IQCK: variants seen among roughly 807,000 people sequenced by gnomAD.
IQCK encodes the protein IQ motif containing K.
A neutral mutation model predicts 28.1 loss-of-function variants in IQCK; 29 were observed. The ratio of observed to expected loss-of-function variants is 1.03; its 90% CI spans 0.77 to 1.41. The LOEUF (loss-of-function observed/expected upper bound fraction) is 1.41, where lower values mean the gene tolerates loss of function less well. Among genes scored for constraint, IQCK ranks in the 40% most tolerant of loss-of-function variants. The pLI is 0.00. For synonymous variants in IQCK, 113 were observed against 115.1 expected, an observed-to-expected ratio of 0.98 and a Z score of 0.12; for missense variants, 359 against 314.7, an observed-to-expected ratio of 1.14 and a Z score of -1.07.
intron 9 of IQCK, among the ~76,000 whole-genome samples, chr16:19,843,889 T>C (rs2056387403): frequency 6.6e-6 from 1 of 152,194 alleles, no homozygotes; most frequent in South Asian, 2.1e-4. Context: ...AGTTAAGGCT[T>C]CATCATATGA....
At chr16:19,734,994 C>G (rs988268527) in intron 3 of IQCK, among the ~76,000 whole-genome samples, 2 of 151,974 alleles carry the variant, frequency 1.3e-5, no homozygotes, top group Non-Finnish European at 2.9e-5. Context: ...AAGCCCTTAC[C>G]CATTATACTC....
At chr16:19,833,871 G>C (rs913545697) in intron 9 of IQCK, among the ~76,000 whole-genome samples, 6 of 152,020 alleles carry the variant, frequency 3.9e-5, no homozygotes, top group African/African-American at 1.4e-4. Context: ...TGGGAGAATT[G>C]CTTGAGCCTA....
At chr16:19,766,982 A>G (rs1017855914) in intron 6 of IQCK, among the ~76,000 whole-genome samples, 5 of 152,224 alleles carry the variant, frequency 3.3e-5, no homozygotes, top group Admixed American at 2.0e-4. Flanking sequence ...AGGCAGGAGA[A>G]CTGCTTGAAT....
At chr16:19,821,372 A>G (rs1423914096) in intron 7 of IQCK, among the ~76,000 whole-genome samples, 2 of 152,184 alleles carry the variant, frequency 1.3e-5, no homozygotes, top group Non-Finnish European at 2.9e-5. Context: ...CATGTCACCC[A>G]GCAATTCGAC....
chr16:19,773,675 C>A (rs558349863), intron 6 of IQCK, among the ~76,000 whole-genome samples: 1 of 152,290 alleles, frequency 6.6e-6, no homozygotes, highest in South Asian at 2.1e-4. Flanking sequence ...GTTCCAATAA[C>A]ACTTTATTCA....
At chr16:19,858,432 T>G in exon 10 of IQCK, 2 of 644,552 alleles carry the variant, frequency 3.1e-6, no homozygotes, top group Non-Finnish European at 5.6e-6. Context: ...TGTGCTCACC[T>G]TATATGCTTG....
chr16:19,829,500 C>G (rs558363468), downstream of IQCK, among the ~76,000 whole-genome samples: 1 of 152,130 alleles, frequency 6.6e-6, no homozygotes. Flanking sequence ...CCATGCCCAG[C>G]TAATTTTCGT....
At chr16:19,730,329 G>A in intron 1 of IQCK, 101 bp from the exon 2 acceptor site, 1 of 875,000 alleles carries the variant, frequency 1.1e-6, no homozygotes, top group Non-Finnish European at 1.7e-6. Context: ...TACACCACCA[G>A]CCAAAATAAA....
At chr16:19,783,623 T>C (rs1273193239) in intron 6 of IQCK, among the ~76,000 whole-genome samples, 1 of 152,184 alleles carries the variant, frequency 6.6e-6, no homozygotes, top group Non-Finnish European at 1.5e-5. Flanking sequence ...GTGGCTTCTC[T>C]GCCTTCAAGC....
chr16:19,737,344 G>A (rs2054772381), intron 4 of IQCK, among the ~76,000 whole-genome samples: 1 of 152,066 alleles, frequency 6.6e-6, no homozygotes, highest in Non-Finnish European at 1.5e-5. Context: ...TATATACTGA[G>A]GAAATAAGGT....
At chr16:19,738,979 A>G (rs1358112126) in intron 4 of IQCK, among the ~76,000 whole-genome samples, 2 of 151,962 alleles carry the variant, frequency 1.3e-5, no homozygotes, top group South Asian at 2.1e-4. Flanking sequence ...AGCATTTCTC[A>G]CCCTCTGGGA....
chr16:19,738,521 C>T (rs1942498513), intron 4 of IQCK, among the ~76,000 whole-genome samples: 1 of 152,148 alleles, frequency 6.6e-6, no homozygotes, highest in Admixed American at 6.6e-5. Context: ...TTGAAGTCCA[C>T]CTCCATCCCA....
intron 3 of IQCK, among the ~76,000 whole-genome samples, chr16:19,734,211 T>C (rs948183366): frequency 6.6e-6 from 1 of 151,618 alleles, no homozygotes; most frequent in Non-Finnish European, 1.5e-5. Flanking sequence ...AAAAAAAAAA[T>C]TATCACTGGA....
chr16:19,744,364 C>G (rs1022437767), intron 4 of IQCK, among the ~76,000 whole-genome samples: 4 of 152,136 alleles, frequency 2.6e-5, no homozygotes, highest in African/African-American at 7.2e-5. Flanking sequence ...CTCCTGAGCT[C>G]AAGTGGTCCT....
downstream of IQCK, among the ~76,000 whole-genome samples, chr16:19,828,315 C>G (rs1438073779): frequency 1.2e-4 from 18 of 147,500 alleles, no homozygotes; most frequent in Non-Finnish European, 5.9e-5. Flanking sequence ...CTCACTGCAA[C>G]CTCCGCCTCC....
intron 2 of IQCK, 76 bp downstream of exon 2, chr16:19,730,570 A>T: frequency 2.5e-6 from 3 of 1,179,100 alleles, no homozygotes; most frequent in Non-Finnish European, 3.6e-6. Flanking sequence ...TGAATGTCAC[A>T]CAGTGTCACT....
intron 1 of IQCK, among the ~76,000 whole-genome samples, chr16:19,726,897 GC>G: frequency 6.6e-6 from 1 of 152,142 alleles, no homozygotes; most frequent in Non-Finnish European, 1.5e-5. Flanking sequence ...ACTTTGGGAG[GC>G]CAAGGTGGGC....
downstream of IQCK, among the ~76,000 whole-genome samples, chr16:19,827,406 A>G (rs1205038974): frequency 6.6e-6 from 1 of 152,192 alleles, no homozygotes; most frequent in Non-Finnish European, 1.5e-5. Context: ...CAAGACATCA[A>G]GAATAACCCA....
chr16:19,827,614 G>T (rs190943373), downstream of IQCK, among the ~76,000 whole-genome samples: 1 of 152,136 alleles, frequency 6.6e-6, no homozygotes, highest in East Asian at 1.9e-4. Flanking sequence ...CTGTCAAGGT[G>T]TTTCCAGAGA....
Sources: gnomAD v4.1 joint callset for allele counts (sites outside exome capture counted in the v4.1 genomes callset) on GRCh38, gnomAD v4.1.1 for gene constraint, MANE v1.5 for transcripts, NCBI Gene and HGNC (gene_info 2026-07-23, HGNC 2026-07-21) for gene names.